CFAP46: variants seen among roughly 807,000 people sequenced by gnomAD.
CFAP46 encodes cilia and flagella associated protein 46, also known as cilia- and flagella-associated protein 46.
CFAP46 carries 245 observed loss-of-function variants against 325.7 expected under a neutral mutation model. The ratio of observed to expected loss-of-function variants is 0.75; its 90% confidence interval spans 0.68 to 0.84. The LOEUF (loss-of-function observed/expected upper bound fraction) is 0.84. Ranked by LOEUF, CFAP46 falls within the 40% of genes least tolerant of loss-of-function variation. The pLI is 0.00. For missense variants in CFAP46, 3,346 were observed against 3,543.0 expected (o/e 0.94, Z 1.41); for synonymous variants, 1,523 against 1,495.9 (o/e 1.02, Z -0.42).
chr10:132,898,792 T>G (rs938622891), intron 24 of CFAP46, 167 bp downstream of exon 24: 2 of 898,026 alleles, frequency 2.2e-6, no homozygotes, highest in African/African-American at 1.7e-5. Flanking sequence ...CCCGCAGTGC[T>G]GGGACTTGGA....
chr10:132,898,146 C>T (rs1849342748), intron 24 of CFAP46, among the ~76,000 whole-genome samples: 1 of 152,208 alleles, frequency 6.6e-6, no homozygotes, highest in Non-Finnish European at 1.5e-5. Flanking sequence ...CTGGCTCAGC[C>T]CTGGTCTGGA....
rs896411168 is a variant in CFAP46, at chr10:132,865,975, G to A, written c.4890+50C>T. 3.3e-5 allele frequency: 47 copies of A among 1,441,124 alleles called. No individual in the cohort carries two copies. In the South Asian group the frequency reaches 4.0e-4, roughly 12 times the overall value. 89.3% of individuals were successfully genotyped at this position (1,441,124 alleles called of 1,614,324 possible). On this transcript the variant is annotated intron_variant, in intron 35 of 57. Coordinates refer to ENST00000368586, the MANE Select transcript of CFAP46 (RefSeq NM_001200049.3). ...GCCCGCAGTCCCTCCACTGTGCACA[G>A]TGCGCTGGGAGCGGCTGTGGATGGT...
At chr10:132,836,624 G>A (rs1031783276) in intron 45 of CFAP46, among the ~76,000 whole-genome samples, 193 bp downstream of exon 45, 29 of 89,446 alleles carry the variant, frequency 3.2e-4, no homozygotes, top group Admixed American at 1.4e-3. Flanking sequence ...GGTGTGTGGC[G>A]TCTCTGGACG....
chr10:132,934,568 G>A (rs901348077), intron 8 of CFAP46, among the ~76,000 whole-genome samples, 184 bp downstream of exon 8: 4 of 152,198 alleles, frequency 2.6e-5, no homozygotes, highest in African/African-American at 4.8e-5. Context: ...GAAAGTATTC[G>A]CAAGACAGTA....
rs538962303 is a variant in CFAP46 at position 132,915,556 on chromosome 10, G to A, written c.2120+993C>T. ...CCCAAGGGACCGGCGAGGGCGGGGC[G>A]CCGTGCCCAGCTTCTGCCCCGAGGG... On this transcript the variant is annotated intron_variant, in intron 17 of 57. Coordinates refer to ENST00000368586, the MANE Select transcript of CFAP46 (RefSeq NM_001200049.3). Among the ~76,000 whole-genome samples, 314 of 151,680 alleles carry A rather than the reference G, an allele frequency of 2.1e-3. 1 individual carries two copies. Among genetic ancestry groups the A allele is most frequent in the African/African-American group, 6.7e-3 (275 of 41,170 alleles).
In CFAP46 at chr10:132,869,803, T is replaced by A. The variant is rs1206961846; in HGVS notation, c.4512-431A>T. 6.6e-6 allele frequency among the ~76,000 whole-genome samples: 1 copy of A among 151,954 alleles called. No homozygotes were observed. The highest frequency in any genetic ancestry group is 1.5e-5 in the Non-Finnish European group (1 of 67,982). ...GCCCCGGTGGTCCCTCTTAGCCCCG[T>A]GACCACGCCTGCTCCAGCCTCCTCT... On this transcript the variant is annotated intron_variant, in intron 32 of 57. Coordinates refer to ENST00000368586, the MANE Select transcript of CFAP46 (RefSeq NM_001200049.3). The surrounding 1 kb of genome is among the most constrained non-coding windows in gnomAD (Gnocchi z 6.2).
At chr10:132,918,712 G>A (rs1165780826) in intron 15 of CFAP46, among the ~76,000 whole-genome samples, 192 bp from the exon 16 acceptor site, 2 of 152,182 alleles carry the variant, frequency 1.3e-5, no homozygotes, top group African/African-American at 2.4e-5. Context: ...GTGGGATGGC[G>A]GAGGTGGGTG....
In CFAP46 at chr10:132,808,878, T is replaced by A; in HGVS notation, c.7691A>T (p.Gln2564Leu). 1 of 1,597,086 alleles carries A rather than the reference T, an allele frequency of 6.3e-7. No individual in the cohort carries two copies. ...TCGGAGCTTTGGAGCAGCAGCAGCT[T>A]GTCCTTCAAGGTCTGAGAAGCCTCG... ...PRRGFSDLEG[Q>L]AAAAPKLRAP... Residue 2564 changes from glutamine to leucine, a missense_variant, in exon 58 of 58, where the codon CAA becomes CTA. Gln to Leu is a moderately radical substitution (Grantham distance 113). Coordinates refer to ENST00000368586, the MANE Select transcript of CFAP46 (RefSeq NM_001200049.3). The surrounding 1 kb of genome is among the most constrained non-coding windows in gnomAD (Gnocchi z 6.8).
At chr10:132,937,700 G>A (rs1401578356) in intron 5 of CFAP46, 25 bp from the exon 6 acceptor site, 38 of 1,580,508 alleles carry the variant, frequency 2.4e-5, no homozygotes, top group Non-Finnish European at 3.3e-5. Flanking sequence ...CACACCACTG[G>A]TCAACCTGGT....
At chr10:132,872,501 C>T in intron 32 of CFAP46, 175 bp downstream of exon 32, 1 of 786,738 alleles carries the variant, frequency 1.3e-6, no homozygotes, top group South Asian at 1.7e-5. Context: ...TCAAATAGTC[C>T]TCCCGTCCCA....
In CFAP46 at chr10:132,922,532, A is replaced by G. The variant is rs1043801262; in HGVS notation, c.1433T>C (p.Leu478Pro). 11 of 1,547,426 alleles carry G rather than the reference A, an allele frequency of 7.1e-6. No homozygotes were observed. The highest frequency in any genetic ancestry group is 3.5e-6 in the Non-Finnish European group (4 of 1,146,630). ...ASTRLRLCTT[L>P]YQAPERAEDK... ...CTCTGCGCGCTCAGGGGCCTGGTAT[A>G]GCGTGGTGCACAGACGCAGCCGGGT... Residue 478 changes from leucine to proline, a missense_variant, in exon 12 of 58, where the codon CTA becomes CCA. Physicochemically the swap from Leu to Pro is moderately conservative, Grantham distance 98 (BLOSUM62 -3). Coordinates refer to ENST00000368586, the MANE Select transcript of CFAP46 (RefSeq NM_001200049.3).
intron 50 of CFAP46, among the ~76,000 whole-genome samples, chr10:132,826,468 G>A (rs1321254265): frequency 3.8e-5 from 5 of 132,594 alleles, no homozygotes. Flanking sequence ...GAGCCACAGA[G>A]ACCTGCCACA....
At chr10:132,936,885 C>G (rs1850016317) in intron 7 of CFAP46, 76 bp downstream of exon 7, 2 of 820,368 alleles carry the variant, frequency 2.4e-6, no homozygotes, top group Non-Finnish European at 3.6e-6. Flanking sequence ...GACCTCCCCC[C>G]ATGGAGGGGA....
chr10:132,884,957 C>T lies in CFAP46; in HGVS notation c.3627+146G>A, dbSNP rs1006271216. 6.0e-6 allele frequency: 5 copies of T among 840,134 alleles called. No homozygotes were observed. The African/African-American group carries it at 6.9e-5, about 12-fold the overall frequency. The allele number at this position is 840,134 out of a possible 1,614,324, so 52.0% of individuals were successfully genotyped here. On this transcript the variant is annotated intron_variant, in intron 27 of 57. Coordinates refer to ENST00000368586, the MANE Select transcript of CFAP46 (RefSeq NM_001200049.3). The surrounding 1 kb of genome is among the most constrained non-coding windows in gnomAD (Gnocchi z 5.4). ...GGTCAGCAAGAGGAGTGCCCGGGGC[C>T]ACGCGGTGCATTCTCTGTGCCCGTC...
At position 132,827,413 on chromosome 10, in the gene CFAP46, C is replaced by T. The variant is rs564825489; in HGVS notation, c.7117+5945G>A. On this transcript the variant is annotated intron_variant, in intron 50 of 57. Coordinates refer to ENST00000368586, the MANE Select transcript of CFAP46 (RefSeq NM_001200049.3). This position sits in a 1 kb window ranked among gnomAD's most constrained non-coding sequence, Gnocchi z 5.7. ...TGCAGGGCCCTCTGTCCTTGGACCT[C>T]CTCCTTCAAGGATCCACTTCGCACA... 1.3e-4 allele frequency among the ~76,000 whole-genome samples: 20 copies of T among 152,186 alleles called. No homozygotes were observed. The highest frequency in any genetic ancestry group is 4.1e-4 in the African/African-American group (17 of 41,526).
chr10:132,892,288 T>C (rs988344146), intron 25 of CFAP46, 45 bp downstream of exon 25: 1 of 1,532,082 alleles, frequency 6.5e-7, no homozygotes, highest in Non-Finnish European at 8.8e-7. Context: ...GTCCTTCCCT[T>C]TCCTTGTACC....
Position 132,885,435 on chromosome 10 carries a change from C to G in CFAP46, c.3444-149G>C, listed in dbSNP as rs1030534644. 4 of 456,078 alleles carry G rather than the reference C, an allele frequency of 8.8e-6. No individual in the cohort carries two copies. In the Admixed American group the frequency reaches 1.1e-4, roughly 13 times the overall value. The allele number at this position is 456,078 out of a possible 1,614,324, so 28.3% of individuals were successfully genotyped here. On this transcript the variant is annotated intron_variant, in intron 26 of 57. Coordinates refer to ENST00000368586, the MANE Select transcript of CFAP46 (RefSeq NM_001200049.3). The stretch of plus-strand genomic sequence containing the variant: ...GGTGAGCGGGGGTCTCGGGGCTACG[C>G]GGGGGTCTCGGGGGTGAGCGGGGGC...
At chr10:132,835,796 C>T (rs930243583) in intron 46 of CFAP46, among the ~76,000 whole-genome samples, 4 of 151,898 alleles carry the variant, frequency 2.6e-5, no homozygotes, top group South Asian at 2.1e-4. Flanking sequence ...GGAAAGGGCC[C>T]GTGTGCAGGG....
At chr10:132,921,961 T>G in intron 13 of CFAP46, 143 bp downstream of exon 13, 4 of 1,094,720 alleles carry the variant, frequency 3.7e-6, no homozygotes, top group Non-Finnish European at 5.1e-6. Context: ...CGGGCCGAGA[T>G]CGAAGGACAC....
Sources: gnomAD v4.1 joint callset for allele counts (sites outside exome capture counted in the v4.1 genomes callset) on GRCh38, gnomAD v4.1.1 for gene constraint, Gnocchi (gnomAD v3.1) non-coding constraint, MANE v1.5 for transcripts, NCBI Gene and HGNC (gene_info 2026-07-23, HGNC 2026-07-21) for gene names.